The following FGGY variants were observed in gnomAD, a reference collection of about 807,000 sequenced individuals.
The protein encoded by FGGY is FGGY carbohydrate kinase domain containing, also known as FGGY carbohydrate kinase domain-containing protein.
Under a neutral mutation model 71.3 loss-of-function variants are expected in FGGY, and 72 were observed. The observed-to-expected ratio is 1.01, with a 90% confidence interval of 0.84 to 1.23. The LOEUF is 1.23. Ranked by LOEUF, FGGY falls within the 50% of genes most tolerant of loss-of-function variation. The probability of loss-of-function intolerance (pLI) is 0.00; values close to 1 mark genes in which losing one functional copy is unlikely to be tolerated. For synonymous variants in FGGY, 251 were observed against 250.3 expected, an observed-to-expected ratio of 1.00 and a Z score of -0.02; for missense variants, 668 against 682.3, an observed-to-expected ratio of 0.98 and a Z score of 0.23.
chr1:59,547,230 C>T (rs1406712349), intron 7 of FGGY, among the ~76,000 whole-genome samples: 1 of 152,098 alleles, frequency 6.6e-6, no homozygotes, highest in African/African-American at 2.4e-5. Context: ...AGATTACGGG[C>T]ATAAGCCACC....
intron 4 of FGGY, among the ~76,000 whole-genome samples, chr1:59,365,167 C>T (rs2056360357): frequency 6.6e-6 from 1 of 152,116 alleles, no homozygotes; most frequent in Non-Finnish European, 1.5e-5. Context: ...GTTGGAATCA[C>T]AGGAGTGATT....
In FGGY at chr1:59,654,664, A is replaced by G. The variant is rs796126335; in HGVS notation, c.1222-5555A>G. Among the ~76,000 whole-genome samples, 56 of 152,320 alleles carry G rather than the reference A, an allele frequency of 3.7e-4. 1 individual carries two copies. Among genetic ancestry groups the G allele is most frequent in the African/African-American group, 1.2e-3 (51 of 41,556 alleles). On this transcript the variant is annotated intron_variant, in intron 11 of 15. Coordinates refer to ENST00000303721, the MANE Select transcript of FGGY (RefSeq NM_018291.5). ...TTTAGAACCTATGAACCTATAATTT[A>G]TAATACCAAGGTTTAGAGCAGTCAT...
intron 8 of FGGY, among the ~76,000 whole-genome samples, chr1:59,568,454 G>GT (rs2095914321): frequency 7.0e-6 from 1 of 142,284 alleles, no homozygotes; most frequent in South Asian, 2.5e-4. Flanking sequence ...AAATTCTATG[G>GT]TCGGGGGGGC....
At chr1:59,732,996 A>G (rs1292158305) in intron 14 of FGGY, among the ~76,000 whole-genome samples, 2 of 151,636 alleles carry the variant, frequency 1.3e-5, no homozygotes, top group Non-Finnish European at 2.9e-5. Flanking sequence ...GCTTCAAAGG[A>G]CTTTCTCTCC....
Position 59,646,696 on chromosome 1 carries a change from A to C in FGGY, c.1221+8321A>C, listed in dbSNP as rs72919635. On this transcript the variant is annotated intron_variant, in intron 11 of 15. Coordinates refer to ENST00000303721, the MANE Select transcript of FGGY (RefSeq NM_018291.5). ...TTTCCATGTATCATCAACAACCTTCACAACAACCGTGCAAGACAATGTTGT... is the reference window on the plus strand; with the variant it reads ...TTTCCATGTATCATCAACAACCTTCCCAACAACCGTGCAAGACAATGTTGT... Among the ~76,000 whole-genome samples the C allele has an allele frequency of 6.7e-3, 1,022 of 152,220 alleles. 12 individuals carry two copies. The highest frequency in any genetic ancestry group is 0.023 in the African/African-American group (953 of 41,538).
chr1:59,736,343 G>A (rs2098103538), intron 14 of FGGY, among the ~76,000 whole-genome samples: 1 of 152,180 alleles, frequency 6.6e-6, no homozygotes, highest in African/African-American at 2.4e-5. Flanking sequence ...ATGTGGAATT[G>A]ACTTTGGAAC....
intron 5 of FGGY, among the ~76,000 whole-genome samples, chr1:59,419,723 C>A (rs2153440391): frequency 6.6e-6 from 1 of 152,154 alleles, no homozygotes; most frequent in South Asian, 2.1e-4. Context: ...GATTTTAGGT[C>A]CAGAGTTAAG....
chr1:59,364,933 AAGAGGTAGAAGATGACTCCTTTGGT>A (rs1293357097), intron 4 of FGGY, among the ~76,000 whole-genome samples: 9 of 152,178 alleles, frequency 5.9e-5, no homozygotes, highest in East Asian at 1.9e-4. Flanking sequence ...GGAATGAGAG[AAGAGGTAGAAGATGACTCCTTTGGT>A]AGAGGTAGAA....
At chr1:59,406,028 G>A (rs1435430909) in intron 5 of FGGY, among the ~76,000 whole-genome samples, 2 of 151,758 alleles carry the variant, frequency 1.3e-5, no homozygotes, top group South Asian at 2.1e-4. Context: ...AGACAAAAAT[G>A]TAGTGAAACA....
At chr1:59,581,346 A>G (rs763811738) in intron 8 of FGGY, among the ~76,000 whole-genome samples, 15 of 150,224 alleles carry the variant, frequency 1.0e-4, no homozygotes, top group Non-Finnish European at 1.8e-4. Context: ...GAACCTGGAT[A>G]TCAAATTATC....
chr1:59,546,494 ATGATGATGATG>A (rs1264621194), intron 7 of FGGY, among the ~76,000 whole-genome samples: 1 of 89,564 alleles, frequency 1.1e-5, no homozygotes, highest in Non-Finnish European at 2.4e-5. Flanking sequence ...AAAGCATAGG[ATGATGATGATG>A]ATGATGATGA....
At chr1:59,568,531 G>C (rs2095919831) in intron 8 of FGGY, among the ~76,000 whole-genome samples, 1 of 152,032 alleles carries the variant, frequency 6.6e-6, no homozygotes, top group Non-Finnish European at 1.5e-5. Flanking sequence ...AGCTTGGAGA[G>C]GTCACAGAGC....
At chr1:59,760,851 T>C (rs565920998) in intron 15 of FGGY, among the ~76,000 whole-genome samples, 3 of 152,302 alleles carry the variant, frequency 2.0e-5, no homozygotes, top group East Asian at 1.9e-4. Flanking sequence ...AGTCAAGAAA[T>C]CTATCTCATG....
At chr1:59,553,961 A>G in intron 7 of FGGY, 163 bp from the exon 8 acceptor site, 1 of 500,628 alleles carries the variant, frequency 2.0e-6, no homozygotes, top group East Asian at 3.1e-5. Context: ...TATGCAGGCA[A>G]GTATGCCCTT....
intron 7 of FGGY, among the ~76,000 whole-genome samples, chr1:59,539,960 T>C (rs2095414087): frequency 6.6e-6 from 1 of 152,224 alleles, no homozygotes; most frequent in Admixed American, 6.5e-5. Context: ...CATATATACA[T>C]TTGAGCAGCT....
At chr1:59,442,881 CT>C (rs1230707236) in intron 5 of FGGY, among the ~76,000 whole-genome samples, 3 of 152,238 alleles carry the variant, frequency 2.0e-5, no homozygotes, top group African/African-American at 7.2e-5. Context: ...TTTCTAGATC[CT>C]AAACCAAAAT....
At chr1:59,544,134 G>A (rs2095486857) in intron 7 of FGGY, among the ~76,000 whole-genome samples, 2 of 152,150 alleles carry the variant, frequency 1.3e-5, no homozygotes, top group Non-Finnish European at 1.5e-5. Flanking sequence ...CATAGCTGGG[G>A]CCCTTTTAAC....
chr1:59,645,267 G>A (rs1158687665), intron 11 of FGGY, among the ~76,000 whole-genome samples: 1 of 152,184 alleles, frequency 6.6e-6, no homozygotes, highest in Non-Finnish European at 1.5e-5. Context: ...CAGACAGTAG[G>A]TGTTGGCACG....
chr1:59,546,517 G>T (rs564282852), intron 7 of FGGY, among the ~76,000 whole-genome samples: 154 of 134,718 alleles, frequency 1.1e-3, no homozygotes, highest in African/African-American at 1.8e-3. Flanking sequence ...TGATGATGAT[G>T]ATGATGATGA....
Sources: allele counts gnomAD v4.1 joint callset (sites outside exome capture counted in the v4.1 genomes callset), GRCh38; gene constraint gnomAD v4.1.1; transcripts MANE v1.5; gene names NCBI Gene and HGNC (gene_info 2026-07-23, HGNC 2026-07-21).